The following MYO10 variants were observed in gnomAD, a reference collection of about 807,000 sequenced individuals.
MYO10 encodes the protein unconventional myosin-X.
In MYO10, 133 loss-of-function variants were observed where a neutral mutation model predicts 257.3. That is an observed-to-expected ratio of 0.52 (90% CI 0.45 to 0.60). MYO10 has a LOEUF of 0.60. MYO10 is among the 20% of genes least tolerant of loss of function. The pLI, the probability that MYO10 is intolerant of heterozygous loss-of-function variation, is 0.00. For synonymous variants in MYO10, 1,104 were observed against 1,028.6 expected (o/e 1.07, Z -1.40); for missense variants, 2,399 against 2,635.7 (o/e 0.91, Z 1.97).
intron 17 of MYO10, among the ~76,000 whole-genome samples, chr5:16,760,640 C>T (rs933766755): frequency 1.1e-4 from 17 of 151,966 alleles, no homozygotes; most frequent in Non-Finnish European, 1.5e-4. Flanking sequence ...TGAATTAAGG[C>T]ATTTATTTTA....
intron 4 of MYO10, among the ~76,000 whole-genome samples, chr5:16,785,328 G>C (rs537173561): frequency 2.8e-4 from 42 of 152,346 alleles, no homozygotes; most frequent in African/African-American, 9.9e-4. Context: ...TTCAACAACA[G>C]TGCACAGAAT....
At chr5:16,862,637 C>T (rs1048152369) in intron 2 of MYO10, among the ~76,000 whole-genome samples, 2 of 152,104 alleles carry the variant, frequency 1.3e-5, no homozygotes, top group Non-Finnish European at 2.9e-5. Flanking sequence ...CGTTTGATTC[C>T]GTCCGTTTTC....
intron 28 of MYO10, among the ~76,000 whole-genome samples, chr5:16,686,687 G>T (rs374180249): frequency 6.6e-6 from 1 of 151,276 alleles, no homozygotes; most frequent in Non-Finnish European, 1.5e-5. Context: ...CACCATGCCC[G>T]GCTAATTTTT....
At chr5:16,708,956 T>C (rs1286552362) in intron 21 of MYO10, among the ~76,000 whole-genome samples, 7 of 152,230 alleles carry the variant, frequency 4.6e-5, no homozygotes, top group Admixed American at 2.0e-4. Context: ...GTTTTCCTAA[T>C]AAATGTATGA....
At chr5:16,797,632 C>T (rs1479570565) in intron 3 of MYO10, among the ~76,000 whole-genome samples, 2 of 152,120 alleles carry the variant, frequency 1.3e-5, no homozygotes, top group Non-Finnish European at 2.9e-5. Flanking sequence ...TATTACTTAG[C>T]CACAAAAAGG....
chr5:16,787,302 G>T (rs1363050651), intron 4 of MYO10, among the ~76,000 whole-genome samples: 1 of 152,072 alleles, frequency 6.6e-6, no homozygotes, highest in African/African-American at 2.4e-5. Context: ...ATTGGGCTGT[G>T]GAAGTGTTTT....
rs770348540 is a variant in MYO10 at position 16,701,474 on chromosome 5, C to T, written c.2921G>A (p.Ser974Asn). The change falls in exon 25 of 41, where the codon AGC becomes AAC. Residue 974 changes from serine to asparagine, a missense_variant. Physicochemically the swap from Ser to Asn is conservative, Grantham distance 46. Coordinates refer to ENST00000513610, the MANE Select transcript of MYO10 (RefSeq NM_012334.3). This position sits in a 1 kb window ranked among gnomAD's most constrained non-coding sequence, Gnocchi z 8.1. ...GAAGTTGGGCTTCTCCTCGCATGCG[C>T]TCTCAGCCAGCTCGCTGGAAAATTC... ...GSEFSSELAE[S>N]ACEEKPNFNF... The T allele has an allele frequency of 1.4e-5, 22 of 1,613,868 alleles. No homozygotes were observed. The highest frequency in any genetic ancestry group is 1.8e-5 in the Non-Finnish European group (21 of 1,179,904).
chr5:16,883,077 G>A (rs1351930423), intron 1 of MYO10, among the ~76,000 whole-genome samples: 1 of 151,762 alleles, frequency 6.6e-6, no homozygotes, highest in Non-Finnish European at 1.5e-5. Context: ...CACCACGCCT[G>A]GCTAATTTTT....
intron 8 of MYO10, 106 bp downstream of exon 8, chr5:16,780,418 A>G (rs1385592112): frequency 1.9e-6 from 2 of 1,052,380 alleles, no homozygotes; most frequent in South Asian, 1.4e-5. Context: ...TTTCATTGCT[A>G]TCGGTGAAAT....
At chr5:16,816,297 C>A (rs1414626892) in intron 3 of MYO10, among the ~76,000 whole-genome samples, 1 of 144,654 alleles carries the variant, frequency 6.9e-6, no homozygotes, top group Non-Finnish European at 1.5e-5. Flanking sequence ...CAAGATAGTG[C>A]CAGTGCACTC....
chr5:16,712,739 A>G (rs1323684939), intron 19 of MYO10, among the ~76,000 whole-genome samples: 2 of 152,212 alleles, frequency 1.3e-5, no homozygotes, highest in Non-Finnish European at 2.9e-5. Context: ...TCTCATATTT[A>G]ATTTCTTCTA....
rs578175373 is a variant in MYO10, at chr5:16,812,675, T to C, written c.279+5334A>G. Among the ~76,000 whole-genome samples, 68 of 152,206 alleles carry C rather than the reference T, an allele frequency of 4.5e-4. 1 individual carries two copies. The highest frequency in any genetic ancestry group is 8.5e-4 in the Non-Finnish European group (58 of 68,050). ...GGAGCCAAGTTCGAGGCAGGAACTT[T>C]CTAAATAAACACTTGTTGCTATGAG... On this transcript the variant is annotated intron_variant, in intron 3 of 40. Coordinates refer to ENST00000513610, the MANE Select transcript of MYO10 (RefSeq NM_012334.3).
At chr5:16,845,748 A>G (rs1335960765) in intron 2 of MYO10, among the ~76,000 whole-genome samples, 1 of 152,016 alleles carries the variant, frequency 6.6e-6, no homozygotes. Context: ...GGTGGATCAC[A>G]AGGTCAAGAT....
chr5:16,822,138 G>A (rs951046834), intron 2 of MYO10, among the ~76,000 whole-genome samples: 1 of 152,234 alleles, frequency 6.6e-6, no homozygotes, highest in East Asian at 1.9e-4. Flanking sequence ...TAGAAATTTG[G>A]GGAGAGCATC....
Position 16,877,660 on chromosome 5 carries a change from A to G in MYO10, c.69T>C (p.Thr23=), listed in dbSNP as rs772088827. 1.2e-6 allele frequency: 2 copies of G among 1,613,872 alleles called. No individual in the cohort carries two copies. Among genetic ancestry groups the G allele is most frequent in the Non-Finnish European group, 8.5e-7 (1 of 1,179,874 alleles). Residue 23 remains threonine, a synonymous_variant, in exon 2 of 41, where the codon ACT becomes ACC. Transcript: ENST00000513610. ...CGATGCCTTCTGCACAGGAATTTAC[A>G]GTACTTGGAAAATGCTGGCCATTTT... ...LRENGQHFPS[T]VNSCAEGIVV...
intron 31 of MYO10, among the ~76,000 whole-genome samples, 169 bp from the exon 32 acceptor site, chr5:16,681,672 C>T (rs1737008679): frequency 6.6e-6 from 1 of 152,100 alleles, no homozygotes; most frequent in African/African-American, 2.4e-5. Flanking sequence ...GAAAGAAAAG[C>T]CCAAAATCAC....
intron 3 of MYO10, among the ~76,000 whole-genome samples, chr5:16,801,184 G>C (rs1742109124): frequency 6.6e-6 from 1 of 152,094 alleles, no homozygotes; most frequent in South Asian, 2.1e-4. Context: ...TTAAACAGCT[G>C]CTCCTGATTT....
chr5:16,710,932 G>C lies in MYO10; in HGVS notation c.2145C>G (p.Ser715Arg). ...SLLQLYDASN[S>R]EWQLGKTKVF... Reference sequence around the variant, plus strand: ...CCTTGGTCTTCCCCAGCTGCCACTCGCTGTTGGAGGCATCATAGAGCTGCA... The same window carrying C: ...CCTTGGTCTTCCCCAGCTGCCACTCCCTGTTGGAGGCATCATAGAGCTGCA... Residue 715 changes from serine to arginine, a missense_variant, in exon 21 of 41, where the codon AGC (serine) becomes AGG (arginine). Ser to Arg is a moderately radical substitution (Grantham distance 110). Coordinates refer to ENST00000513610, the MANE Select transcript of MYO10 (RefSeq NM_012334.3). The C allele has an allele frequency of 6.2e-7, 1 of 1,613,644 alleles. No individual in the cohort carries two copies.
At chr5:16,686,609 A>G (rs1291048417) in intron 28 of MYO10, among the ~76,000 whole-genome samples, 1 of 151,806 alleles carries the variant, frequency 6.6e-6, no homozygotes, top group East Asian at 1.9e-4. Flanking sequence ...ATCTCGGCTC[A>G]CTGCAACCTC....
Sources: allele counts gnomAD v4.1 joint callset (sites outside exome capture counted in the v4.1 genomes callset), GRCh38; gene constraint gnomAD v4.1.1; non-coding constraint Gnocchi (gnomAD v3.1); transcripts MANE v1.5; gene names NCBI Gene and HGNC (gene_info 2026-07-23, HGNC 2026-07-21).